DNAH5: variants seen among roughly 807,000 people sequenced by gnomAD.
DNAH5 encodes dynein axonemal heavy chain 5.
A neutral mutation model predicts 518.2 loss-of-function variants in DNAH5; 372 were observed. The ratio of observed to expected loss-of-function variants is 0.72; its 90% CI spans 0.66 to 0.78. The LOEUF (loss-of-function observed/expected upper bound fraction) is 0.78, where lower values mean the gene tolerates loss of function less well. Ranked by LOEUF, DNAH5 falls within the 30% of genes least tolerant of loss-of-function variation. DNAH5 has a pLI of 0.00. For missense variants in DNAH5, 5,523 were observed against 5,687.0 expected, an observed-to-expected ratio of 0.97 and a Z score of 0.93; for synonymous variants, 2,039 against 2,025.9, an observed-to-expected ratio of 1.01 and a Z score of -0.17.
intron 66 of DNAH5, among the ~76,000 whole-genome samples, chr5:13,736,233 A>C (rs1025612082): frequency 6.6e-6 from 1 of 152,174 alleles, no homozygotes; most frequent in Non-Finnish European, 1.5e-5. Flanking sequence ...AAGAAATTTC[A>C]AAGGTTGTGT....
At chr5:13,863,266 G>A (rs545264627) in intron 28 of DNAH5, among the ~76,000 whole-genome samples, 23 of 151,928 alleles carry the variant, frequency 1.5e-4, no homozygotes, top group Middle Eastern at 6.8e-3. Context: ...TCCCCCTCTG[G>A]GTGAGCTCAT....
At chr5:13,813,245 T>G (rs2127035796) in intron 43 of DNAH5, among the ~76,000 whole-genome samples, 1 of 152,366 alleles carries the variant, frequency 6.6e-6, no homozygotes, top group East Asian at 1.9e-4. Context: ...AGTCTCAGTA[T>G]GGACAGACTA....
At chr5:13,920,252 C>T (rs1042803996) in intron 6 of DNAH5, among the ~76,000 whole-genome samples, 1 of 152,210 alleles carries the variant, frequency 6.6e-6, no homozygotes, top group Middle Eastern at 3.2e-3. Flanking sequence ...CAAAGTGCAG[C>T]GTTTGAGTGA....
At chr5:13,843,106 AAAC>A (rs1765510140) in intron 32 of DNAH5, among the ~76,000 whole-genome samples, 1 of 152,126 alleles carries the variant, frequency 6.6e-6, no homozygotes, top group Non-Finnish European at 1.5e-5. Context: ...ACATCCCATA[AAAC>A]AACAAGAAAC....
rs1334266407 is a variant in DNAH5, at chr5:13,865,821, T to C, written c.4202A>G (p.Gln1401Arg). 1 of 1,613,800 alleles carries C rather than the reference T, an allele frequency of 6.2e-7. No homozygotes were observed. Among genetic ancestry groups the C allele is most frequent in the Non-Finnish European group, 8.5e-7 (1 of 1,179,700 alleles). The change falls in exon 27 of 79, where the codon CAG becomes CGG. Residue 1401 changes from glutamine to arginine, a missense_variant. Gln to Arg is a conservative substitution (Grantham distance 43, BLOSUM62 1). Transcript: ENST00000265104. ...LFGLPATQYP[Q>R]LLEIKKQLNL... is the part of the protein sequence containing the mutation. The stretch of plus-strand genomic sequence containing the variant: ...TAGTTGCTTCTTTATTTCAAGAAGC[T>C]GAGGATACTGTGTAGCTGGCAGGCC...
intron 78 of DNAH5, among the ~76,000 whole-genome samples, chr5:13,694,949 T>C (rs1283148051): frequency 2.0e-5 from 3 of 152,208 alleles, no homozygotes; most frequent in African/African-American, 7.2e-5. Flanking sequence ...GTACTAATAT[T>C]TAATCATTTT....
At chr5:13,776,737 G>C in intron 54 of DNAH5, 31 bp from the exon 55 acceptor site, 1 of 1,611,372 alleles carries the variant, frequency 6.2e-7, no homozygotes, top group Non-Finnish European at 8.5e-7. Context: ...TGCAAATTCA[G>C]TACACACATA....
At chr5:13,961,173 T>C (rs111683330) in intron 1 of DNAH5, among the ~76,000 whole-genome samples, 7 of 152,270 alleles carry the variant, frequency 4.6e-5, no homozygotes, top group African/African-American at 1.4e-4. Context: ...TTCTTTTCTG[T>C]ATATATTTAA....
At chr5:13,829,787 C>G in intron 37 of DNAH5, 83 bp from the exon 38 acceptor site, 1 of 1,384,226 alleles carries the variant, frequency 7.2e-7, no homozygotes, top group Non-Finnish European at 1.0e-6. Flanking sequence ...TATGTACACA[C>G]AACAAATCTG....
chr5:13,904,246 ACT>A (rs1296467247), intron 12 of DNAH5, among the ~76,000 whole-genome samples: 1 of 151,018 alleles, frequency 6.6e-6, no homozygotes, highest in Non-Finnish European at 1.5e-5. Context: ...TGTAGAAGTA[ACT>A]CTATACTAAA....
intron 37 of DNAH5, 88 bp downstream of exon 37, chr5:13,829,938 A>G: frequency 1.5e-6 from 2 of 1,337,252 alleles, no homozygotes; most frequent in Non-Finnish European, 1.1e-6. Flanking sequence ...ATTTCCATTC[A>G]GGAAAACAGA....
rs145445858 is a variant in DNAH5 at position 13,770,851 on chromosome 5, C to T, written c.9503G>A (p.Arg3168Gln). The T allele has an allele frequency of 6.9e-5, 111 of 1,613,980 alleles. No homozygotes were observed. The Admixed American group carries it at 1.2e-3, about 18-fold the overall frequency. The stretch of plus-strand genomic sequence containing the variant: ...TTTGGGCGTCACGTGGGTAGAACGT[C>T]GGAATCTCTGAAAATAATCAACACA... ...EKCVDYFQRFRRSTHVTPKSY... is the reference protein window; with the variant it reads ...EKCVDYFQRFQRSTHVTPKSY... The change falls in exon 56 of 79, where the codon CGA (arginine) becomes CAA (glutamine). Residue 3168 changes from arginine to glutamine, a missense_variant. Coordinates refer to ENST00000265104, the MANE Select transcript of DNAH5 (RefSeq NM_001369.3).
intron 1 of DNAH5, among the ~76,000 whole-genome samples, chr5:13,959,395 T>C (rs1256171623): frequency 6.6e-6 from 1 of 152,208 alleles, no homozygotes; most frequent in Non-Finnish European, 1.5e-5. Flanking sequence ...TCTCTCTGTC[T>C]TCGAGAATGC....
chr5:13,837,501 A>G (rs1322386470), intron 35 of DNAH5, among the ~76,000 whole-genome samples: 1 of 151,982 alleles, frequency 6.6e-6, no homozygotes, highest in East Asian at 1.9e-4. Flanking sequence ...AAGCAGCTGC[A>G]TGAGAACAGG....
chr5:13,833,642 G>C (rs1390234300), intron 35 of DNAH5, among the ~76,000 whole-genome samples: 1 of 152,070 alleles, frequency 6.6e-6, no homozygotes, highest in Non-Finnish European at 1.5e-5. Flanking sequence ...TAGGGGCAGA[G>C]CTGAGCAGTC....
In DNAH5 at chr5:13,837,807, T is replaced by A. The variant is rs542240651; in HGVS notation, c.5882+1549A>T. Among the ~76,000 whole-genome samples, 6 of 151,254 alleles carry A rather than the reference T, an allele frequency of 4.0e-5. No individual in the cohort carries two copies. In the South Asian group the frequency reaches 1.3e-3, roughly 32 times the overall value. On this transcript the variant is annotated intron_variant, in intron 35 of 78. Coordinates refer to ENST00000265104, the MANE Select transcript of DNAH5 (RefSeq NM_001369.3). ...AACCTCCGCCTCGGGTTCAAGTGAT[T>A]CTCCTGCCTCAGCCTCCCGAGTAGC... is the stretch of plus-strand genomic sequence containing the variant.
chr5:13,817,742 C>T, intron 41 of DNAH5, 48 bp from the exon 42 acceptor site: 1 of 1,592,144 alleles, frequency 6.3e-7, no homozygotes. Context: ...GGGAAGTGAA[C>T]CATCATTAAG....
intron 68 of DNAH5, among the ~76,000 whole-genome samples, 170 bp from the exon 69 acceptor site, chr5:13,729,730 A>C: frequency 6.6e-6 from 1 of 152,356 alleles, no homozygotes; most frequent in African/African-American, 2.4e-5. Flanking sequence ...ATCAATAGAT[A>C]ATTTTAGAAA....
At chr5:13,910,341 T>C (rs767208434) in intron 12 of DNAH5, among the ~76,000 whole-genome samples, 28 of 152,292 alleles carry the variant, frequency 1.8e-4, no homozygotes, top group Admixed American at 3.3e-4. Flanking sequence ...ACCCACTTTA[T>C]AGGATTATTA....
Sources: gnomAD v4.1 joint callset for allele counts (sites outside exome capture counted in the v4.1 genomes callset) on GRCh38, gnomAD v4.1.1 for gene constraint, MANE v1.5 for transcripts, NCBI Gene and HGNC (gene_info 2026-07-23, HGNC 2026-07-21) for gene names.